STAG1: variants seen among roughly 807,000 people sequenced by gnomAD.
STAG1 encodes STAG1 cohesin complex component.
Under a neutral mutation model 170.9 loss-of-function variants are expected in STAG1, and 26 were observed. That is an observed-to-expected ratio of 0.15 (90% CI 0.11 to 0.21). The LOEUF (loss-of-function observed/expected upper bound fraction) is 0.21. Ranked by LOEUF, STAG1 falls within the 10% of genes least tolerant of loss-of-function variation. STAG1 has a pLI of 1.00. For synonymous variants in STAG1, 514 were observed against 497.7 expected (o/e 1.03, Z -0.44); for missense variants, 964 against 1,509.5 (o/e 0.64, Z 5.99).
At chr3:136,696,053 T>C (rs907049069) in intron 1 of STAG1, among the ~76,000 whole-genome samples, 1 of 152,226 alleles carries the variant, frequency 6.6e-6, no homozygotes, top group African/African-American at 2.4e-5. Flanking sequence ...ATCTTTGGTA[T>C]GTCTAAAGAA....
At chr3:136,674,115 AAGGG>A (rs1177006448) in intron 1 of STAG1, among the ~76,000 whole-genome samples, 22 of 115,738 alleles carry the variant, frequency 1.9e-4, no homozygotes, top group South Asian at 3.5e-4. Context: ...AAAAAAAAAA[AAGGG>A]AGGGAGGGAG....
At position 136,551,198 on chromosome 3, in the gene STAG1, TGA is replaced by T. The variant is rs200132855; in HGVS notation, c.395-9005_395-9004del. ...TTTTTTTTGAGAGAGAGAGAGAGGT[TGA>T]GAGAGAGTGAGAGAGAGAGAGAGAG... On this transcript the variant is annotated intron_variant, in intron 5 of 33. Coordinates refer to ENST00000383202, the MANE Select transcript of STAG1 (RefSeq NM_005862.3). 2.8e-4 allele frequency among the ~76,000 whole-genome samples: 12 copies of T among 43,130 alleles called. No homozygotes were observed. The South Asian group carries it at 5.1e-3, about 18-fold the overall frequency. The allele number at this position is 43,130 out of a possible 152,430, so 28.3% of individuals were successfully genotyped here.
Position 136,433,661 on chromosome 3 carries a change from TA to T in STAG1, c.1547-3del. On this transcript the variant is annotated splice_region_variant and splice_polypyrimidine_tract_variant and intron_variant, in intron 15 of 33. Transcript: ENST00000383202. ...CACTCTCTTGACGATCAGACATTGC[TA>T]AGGTAAAACAAAATACATGAGCATG... 6.2e-7 allele frequency: 1 copy of T among 1,606,434 alleles called. No individual in the cohort carries two copies. Among genetic ancestry groups the T allele is most frequent in the African/African-American group, 1.3e-5 (1 of 74,632 alleles).
chr3:136,656,580 G>A (rs1941377311), intron 1 of STAG1, among the ~76,000 whole-genome samples: 1 of 148,370 alleles, frequency 6.7e-6, no homozygotes, highest in African/African-American at 2.5e-5. Context: ...ATATATATAA[G>A]AACACATACA....
At chr3:136,440,820 T>C (rs1316872135) in intron 15 of STAG1, among the ~76,000 whole-genome samples, 1 of 151,892 alleles carries the variant, frequency 6.6e-6, no homozygotes, top group Non-Finnish European at 1.5e-5. Context: ...TGAAACCCCA[T>C]CTTTACTGAA....
chr3:136,686,867 T>C lies in STAG1; in HGVS notation c.-83-55886A>G, dbSNP rs370380535. The stretch of plus-strand genomic sequence containing the variant: ...GTAATTCAGAGCAATCCTAATTCAC[T>C]TTAGCAAGAGAATCTAGTGAAGTCT... On this transcript the variant is annotated intron_variant, in intron 1 of 33. Coordinates refer to ENST00000383202, the MANE Select transcript of STAG1 (RefSeq NM_005862.3). 3.9e-5 allele frequency among the ~76,000 whole-genome samples: 6 copies of C among 152,226 alleles called. No homozygotes were observed. The East Asian group carries it at 9.6e-4, about 24-fold the overall frequency.
chr3:136,751,150 A>AT (rs112993984), intron 1 of STAG1, among the ~76,000 whole-genome samples: 27 of 146,458 alleles, frequency 1.8e-4, no homozygotes, highest in Middle Eastern at 3.5e-3. Flanking sequence ...ACAGCAAATA[A>AT]TTTTTTTTTA....
intron 6 of STAG1, among the ~76,000 whole-genome samples, chr3:136,523,609 T>C (rs1394309155): frequency 1.3e-5 from 2 of 152,194 alleles, no homozygotes; most frequent in African/African-American, 4.8e-5. Flanking sequence ...TTAGATCCCA[T>C]TTGTCAGTTT....
chr3:136,526,789 T>G (rs947337301), intron 6 of STAG1, among the ~76,000 whole-genome samples: 1 of 152,222 alleles, frequency 6.6e-6, no homozygotes, highest in Non-Finnish European at 1.5e-5. Context: ...GCAGGCTTGG[T>G]GGTGACAAAA....
chr3:136,380,059 C>A (rs191077124), intron 22 of STAG1, among the ~76,000 whole-genome samples: 1 of 152,260 alleles, frequency 6.6e-6, no homozygotes, highest in Admixed American at 6.5e-5. Context: ...TATAAATTTA[C>A]ATTTCACCAT....
intron 2 of STAG1, among the ~76,000 whole-genome samples, chr3:136,625,530 T>C (rs1940054911): frequency 6.6e-6 from 1 of 152,214 alleles, no homozygotes; most frequent in Non-Finnish European, 1.5e-5. Context: ...TACAATTAAT[T>C]AACTGATTTA....
chr3:136,479,228 T>TTC (rs2089856916), intron 9 of STAG1, among the ~76,000 whole-genome samples: 3 of 71,734 alleles, frequency 4.2e-5, no homozygotes, highest in African/African-American at 1.6e-4. Flanking sequence ...CCCTCCCCCC[T>TTC]CCCCTGACCC....
chr3:136,517,435 C>T (rs1165283576), intron 7 of STAG1, among the ~76,000 whole-genome samples: 1 of 152,006 alleles, frequency 6.6e-6, no homozygotes, highest in Non-Finnish European at 1.5e-5. Context: ...CATTACTCAG[C>T]CTGAATGTTG....
chr3:136,388,717 A>G (rs1287141590), intron 22 of STAG1, among the ~76,000 whole-genome samples: 1 of 152,180 alleles, frequency 6.6e-6, no homozygotes, highest in East Asian at 1.9e-4. Flanking sequence ...GTCATTTAAC[A>G]AACAACTAGT....
chr3:136,523,885 G>C (rs1478620797), intron 6 of STAG1, among the ~76,000 whole-genome samples: 1 of 152,106 alleles, frequency 6.6e-6, no homozygotes, highest in African/African-American at 2.4e-5. Flanking sequence ...TCTCAGGTTT[G>C]TCAAAGATCA....
Position 136,714,952 on chromosome 3 carries a change from TATA to T in STAG1, c.-84+37240_-84+37242del, listed in dbSNP as rs1415827844. Among the ~76,000 whole-genome samples the T allele has an allele frequency of 4.0e-5, 3 of 75,174 alleles. No individual in the cohort carries two copies. In the Admixed American group the frequency reaches 4.4e-4, roughly 11 times the overall value. 49.3% of individuals were successfully genotyped at this position (75,174 alleles called of 152,430 possible). On this transcript the variant is annotated intron_variant, in intron 1 of 33. Transcript: ENST00000383202. ...TATATATATTAAATATATATATATA[TATA>T]TATATATATTTTATATATATATTTT...
intron 13 of STAG1, among the ~76,000 whole-genome samples, chr3:136,454,182 G>A (rs751405534): frequency 6.6e-6 from 1 of 152,042 alleles, no homozygotes; most frequent in East Asian, 1.9e-4. Context: ...AGATTCAAGC[G>A]ATTCTCATGC....
intron 32 of STAG1, 51 bp downstream of exon 32, chr3:136,340,440 C>A (rs1022838520): frequency 3.3e-6 from 4 of 1,221,236 alleles, no homozygotes; most frequent in Admixed American, 3.4e-5. Context: ...TCATCTTACA[C>A]CAATGCCCCC....
intron 12 of STAG1, among the ~76,000 whole-genome samples, chr3:136,468,879 C>T (rs1308967593): frequency 6.6e-6 from 1 of 150,766 alleles, no homozygotes; most frequent in Non-Finnish European, 1.5e-5. Context: ...GAACCAAAGA[C>T]AAAAACGACA....
Sources: gnomAD v4.1 joint callset for allele counts (sites outside exome capture counted in the v4.1 genomes callset) on GRCh38, gnomAD v4.1.1 for gene constraint, MANE v1.5 for transcripts, NCBI Gene and HGNC (gene_info 2026-07-23, HGNC 2026-07-21) for gene names.